The following NLRP12 variants were observed in gnomAD, a reference collection of about 807,000 sequenced individuals.
NLRP12 encodes NLR family pyrin domain containing 12.
A neutral mutation model predicts 91.2 loss-of-function variants in NLRP12; 108 were observed. The observed-to-expected ratio is 1.18, with a 90% CI of 1.01 to 1.39. NLRP12 has a LOEUF of 1.39. NLRP12 is among the 40% of genes most tolerant of loss of function. The probability of loss-of-function intolerance (pLI) is 0.00; values close to 1 mark genes in which losing one functional copy is unlikely to be tolerated. For synonymous variants in NLRP12, 613 were observed against 566.7 expected, an observed-to-expected ratio of 1.08 and a Z score of -1.16; for missense variants, 1,530 against 1,352.7, an observed-to-expected ratio of 1.13 and a Z score of -2.06.
chr19:53,807,764 T>C, intron 3 of NLRP12, 99 bp from the exon 4 acceptor site: 2 of 1,416,990 alleles, frequency 1.4e-6, no homozygotes, highest in South Asian at 1.2e-5. Flanking sequence ...TGCTATCCTT[T>C]TTTGAGACGG....
At position 53,805,263 on chromosome 19, in the gene NLRP12, C is replaced by T. The variant is rs199476243; in HGVS notation, c.2414+17G>A. ...GACAATGAGCTTAAGAAGTTGCTCC[C>T]GGGGATAGAGACTCACTGAATCATC... On this transcript the variant is annotated intron_variant, in intron 5 of 9. Coordinates refer to ENST00000324134, the MANE Select transcript of NLRP12 (RefSeq NM_144687.4). 29 of 1,612,066 alleles carry T rather than the reference C, an allele frequency of 1.8e-5. No individual in the cohort carries two copies. Among genetic ancestry groups the T allele is most frequent in the African/African-American group, 1.1e-4 (8 of 74,966 alleles).
At chr19:53,814,636 C>T (rs1263660272) in intron 2 of NLRP12, among the ~76,000 whole-genome samples, 1 of 152,202 alleles carries the variant, frequency 6.6e-6, no homozygotes, top group South Asian at 2.1e-4. Flanking sequence ...CAGGCGTGAG[C>T]CACTGTACCT....
Position 53,810,653 on chromosome 19 carries a change from G to C in NLRP12, c.1006C>G (p.Leu336Val). The C allele has an allele frequency of 6.2e-7, 1 of 1,613,946 alleles. No homozygotes were observed. Among genetic ancestry groups the C allele is most frequent in the Non-Finnish European group, 8.5e-7 (1 of 1,179,918 alleles). Reference sequence around the variant, plus strand: ...GGCCGTGTGGTGATGAGCAAAGATAGCTCAGGGAGCAGCTTCTTCCGAATT... The same window carrying C: ...GGCCGTGTGGTGATGAGCAAAGATACCTCAGGGAGCAGCTTCTTCCGAATT... ...SLIRKKLLPE[L>V]SLLITTRPTA... The change falls in exon 3 of 10, where the codon CTA becomes GTA. Residue 336 changes from leucine (L) to valine (V), a missense_variant. Physicochemically the swap from Leu to Val is conservative, Grantham distance 32. Transcript: ENST00000324134.
At position 53,801,346 on chromosome 19, in the gene NLRP12, A is replaced by C. The variant is rs1459561508; in HGVS notation, c.2637T>G (p.Thr879=). 1 of 1,613,246 alleles carries C rather than the reference A, an allele frequency of 6.2e-7. No homozygotes were observed. The highest frequency in any genetic ancestry group is 8.5e-7 in the Non-Finnish European group (1 of 1,179,848). ...CTCTCAGGCTCTGGTTCACACTGAGAGTTGAGGCCAGCTCGTCACAGGCAG... is the reference window on the plus strand; with the variant it reads ...CTCTCAGGCTCTGGTTCACACTGAGCGTTGAGGCCAGCTCGTCACAGGCAG... The part of the protein sequence containing the change: ...TAAACDELAS[T]LSVNQSLREL... Residue 879 remains threonine (T), a synonymous_variant, in exon 7 of 10, where the codon ACT becomes ACG. Coordinates refer to ENST00000324134, the MANE Select transcript of NLRP12 (RefSeq NM_144687.4).
Position 53,810,085 on chromosome 19 carries a change from T to C in NLRP12, c.1574A>G (p.Tyr525Cys). ...LSFQEFFAAM[Y>C]YILDEGEGGA... ...GCCCTCCCCCTCGTCCAGGATATAG[T>C]ACATAGCTGCAAAGAATTCCTGGAA... is the stretch of plus-strand genomic sequence containing the variant. Residue 525 changes from tyrosine (Y) to cysteine (C), a missense_variant, in exon 3 of 10, where the codon TAC (tyrosine) becomes TGC (cysteine). Physicochemically the swap from Tyr to Cys is radical, Grantham distance 194. Coordinates refer to ENST00000324134, the MANE Select transcript of NLRP12 (RefSeq NM_144687.4). 1.2e-6 allele frequency: 2 copies of C among 1,614,138 alleles called. No homozygotes were observed. Among genetic ancestry groups the C allele is most frequent in the Non-Finnish European group, 1.7e-6 (2 of 1,180,016 alleles).
At chr19:53,822,389 G>A (rs2092273955) in intron 1 of NLRP12, among the ~76,000 whole-genome samples, 1 of 152,044 alleles carries the variant, frequency 6.6e-6, no homozygotes, top group Non-Finnish European at 1.5e-5. Flanking sequence ...AGGCTAAGGT[G>A]GAAGCTCGCT....
intron 6 of NLRP12, 188 bp downstream of exon 6, chr19:53,803,764 G>C: frequency 1.6e-6 from 1 of 616,782 alleles, no homozygotes; most frequent in East Asian, 3.2e-5. Flanking sequence ...AGTAGAGAGG[G>C]GGTTTCACCG....
At chr19:53,823,104 T>TACACACACATATATATACACATATGTAC (rs2092283104) in intron 1 of NLRP12, among the ~76,000 whole-genome samples, 1 of 141,146 alleles carries the variant, frequency 7.1e-6, no homozygotes, top group African/African-American at 2.7e-5. Flanking sequence ...CACACACATA[T>TACACACACATATATATACACATATGTAC]ACACACACAT....
At chr19:53,817,105 C>T (rs1203439585) in intron 1 of NLRP12, among the ~76,000 whole-genome samples, 1 of 149,692 alleles carries the variant, frequency 6.7e-6, no homozygotes, top group East Asian at 2.1e-4. Context: ...TCCTGGGTAA[C>T]ACGGTGAAAC....
At chr19:53,800,262 G>A (rs896792926) in intron 7 of NLRP12, among the ~76,000 whole-genome samples, 9 of 151,966 alleles carry the variant, frequency 5.9e-5, no homozygotes, top group South Asian at 2.1e-4. Flanking sequence ...CTGAGATCGC[G>A]CCACCGCACT....
intron 1 of NLRP12, among the ~76,000 whole-genome samples, chr19:53,819,378 G>A (rs2092212135): frequency 7.3e-6 from 1 of 137,772 alleles, no homozygotes; most frequent in Non-Finnish European, 1.5e-5. Flanking sequence ...CCAAGTAGCT[G>A]GGATTACAGG....
intron 8 of NLRP12, 121 bp downstream of exon 8, chr19:53,798,122 C>T (rs2091801949): frequency 8.9e-7 from 1 of 1,129,600 alleles, no homozygotes; most frequent in South Asian, 1.3e-5. Flanking sequence ...CACCTCTCTT[C>T]TTGCTACCTG....
intron 8 of NLRP12, 79 bp downstream of exon 8, chr19:53,798,164 A>C: frequency 2.1e-6 from 3 of 1,462,018 alleles, no homozygotes; most frequent in Non-Finnish European, 2.9e-6. Flanking sequence ...ATAGTTCATA[A>C]ATAGAAAAAT....
chr19:53,800,244 G>T (rs963409965), intron 7 of NLRP12, among the ~76,000 whole-genome samples: 1 of 152,092 alleles, frequency 6.6e-6, no homozygotes, highest in African/African-American at 2.4e-5. Flanking sequence ...GGTGGAGCTC[G>T]CAGTAAGCTG....
Position 53,810,209 on chromosome 19 carries a change from G to A in NLRP12, c.1450C>T (p.His484Tyr), listed in dbSNP as rs2122665361. 6.2e-7 allele frequency: 1 copy of A among 1,614,200 alleles called. No individual in the cohort carries two copies. Among genetic ancestry groups the A allele is most frequent in the African/African-American group, 1.3e-5 (1 of 75,060 alleles). Reference protein sequence around the residue: ...ILFEEQDLRKHGLDGEDVSAF... With the variant: ...ILFEEQDLRKYGLDGEDVSAF... ...GAGACGTCTTCCCCGTCTAGGCCGT[G>A]CTTCCGGAGGTCCTGCTCCTCAAAT... is the stretch of plus-strand genomic sequence containing the variant. Residue 484 changes from histidine to tyrosine, a missense_variant, in exon 3 of 10, where the codon CAC becomes TAC. His to Tyr is a moderately conservative substitution (Grantham distance 83). Transcript: ENST00000324134.
Position 53,805,304 on chromosome 19 carries a change from G to A in NLRP12, c.2390C>T (p.Pro797Leu). Residue 797 changes from proline (P) to leucine (L), a missense_variant, in exon 5 of 10, where the codon CCC (proline) becomes CTC (leucine). Coordinates refer to ENST00000324134, the MANE Select transcript of NLRP12 (RefSeq NM_144687.4). ...MMLLCEGLRH[P>L]QCRLQMIQLR... ...CTGAATCATCTGCAGCCTGCACTGG[G>A]GATGCCGCAGGCCCTCGCAAAGCAG... is the stretch of plus-strand genomic sequence containing the variant. The A allele has an allele frequency of 6.2e-7, 1 of 1,613,998 alleles. No homozygotes were observed. Among genetic ancestry groups the A allele is most frequent in the Non-Finnish European group, 8.5e-7 (1 of 1,179,984 alleles).
chr19:53,800,427 C>T (rs1286223312), intron 7 of NLRP12, among the ~76,000 whole-genome samples: 1 of 152,148 alleles, frequency 6.6e-6, no homozygotes, highest in Non-Finnish European at 1.5e-5. Flanking sequence ...CACTCCACTC[C>T]AGCACTGGTG....
chr19:53,819,662 T>TGC (rs2092236188), intron 1 of NLRP12, among the ~76,000 whole-genome samples: 2 of 40,056 alleles, frequency 5.0e-5, no homozygotes, highest in African/African-American at 7.2e-5. Flanking sequence ...TATATACACA[T>TGC]GTATACATAT....
Position 53,823,946 on chromosome 19 carries a change from A to C in NLRP12, c.229T>G (p.Phe77Val), listed in dbSNP as rs1411288372. 2 of 1,613,990 alleles carry C rather than the reference A, an allele frequency of 1.2e-6. No individual in the cohort carries two copies. The highest frequency in any genetic ancestry group is 3.3e-5 in the Admixed American group (2 of 59,976). The change falls in exon 1 of 10, where the codon TTT (phenylalanine) becomes GTT (valine). Residue 77 changes from phenylalanine (F) to valine (V), a missense_variant. Transcript: ENST00000324134. The part of the protein sequence containing the change: ...EEAWRLALST[F>V]ERINRKDLWE... ...AGGTCCTTCCTGTTTATCCGCTCAA[A>C]GGTGCTGAGAGCCAACCTCCAGGCC...
Sources: allele counts gnomAD v4.1 joint callset (sites outside exome capture counted in the v4.1 genomes callset), GRCh38; gene constraint gnomAD v4.1.1; transcripts MANE v1.5; gene names NCBI Gene and HGNC (gene_info 2026-07-23, HGNC 2026-07-21).